Variants in ROBO1 observed in about 807,000 individuals in gnomAD.
ROBO1 encodes roundabout guidance receptor 1.
A neutral mutation model predicts 195.9 loss-of-function variants in ROBO1; 149 were observed. That is an observed-to-expected ratio of 0.76 (90% CI 0.67 to 0.87). The LOEUF (loss-of-function observed/expected upper bound fraction) is 0.87. Among genes scored for constraint, ROBO1 ranks in the 40% least tolerant of loss-of-function variants. The pLI is 0.00. For synonymous variants in ROBO1, 816 were observed against 733.2 expected, an observed-to-expected ratio of 1.11 and a Z score of -1.82; for missense variants, 1,933 against 2,068.3, an observed-to-expected ratio of 0.93 and a Z score of 1.27.
chr3:79,081,636 A>C (rs2079276832), intron 3 of ROBO1, among the ~76,000 whole-genome samples: 1 of 152,198 alleles, frequency 6.6e-6, no homozygotes, highest in African/African-American at 2.4e-5. Context: ...AAAAGCCCAA[A>C]GCTGCCAACA....
chr3:79,534,800 A>C (rs1004992176), intron 2 of ROBO1, among the ~76,000 whole-genome samples: 5 of 152,080 alleles, frequency 3.3e-5, no homozygotes, highest in African/African-American at 1.2e-4. Flanking sequence ...CTCCAAATAG[A>C]ATTTGAATCT....
chr3:79,340,366 T>G (rs756156878), intron 2 of ROBO1, among the ~76,000 whole-genome samples: 5 of 152,194 alleles, frequency 3.3e-5, no homozygotes, highest in Non-Finnish European at 7.3e-5. Context: ...TTTTCTTTCT[T>G]GGGTATTAGC....
Position 79,625,423 on chromosome 3 carries a change from G to GAAAAAAAAAAAAAAAAAAAAAAAAAAAA in ROBO1, c.-50-35463_-50-35462insTTTTTTTTTTTTTTTTTTTTTTTTTTTT. Among the ~76,000 whole-genome samples the GAAAAAAAAAAAAAAAAAAAAAAAAAAAA allele has an allele frequency of 6.5e-4, 9 of 13,882 alleles. 1 individual carries two copies. Among genetic ancestry groups the GAAAAAAAAAAAAAAAAAAAAAAAAAAAA allele is most frequent in the Admixed American group, 1.9e-3 (1 of 536 alleles). 9.1% of individuals were successfully genotyped at this position (13,882 alleles called of 152,430 possible). ...AAGTAATCCAGTAGCTGTTTTTTTT[G>GAAAAAAAAAAAAAAAAAAAAAAAAAAAA]AAAAAAAAAAAAAAAAAAAAAGCAA... On this transcript the variant is annotated intron_variant, in intron 1 of 30. Coordinates refer to ENST00000464233, the MANE Select transcript of ROBO1 (RefSeq NM_002941.4).
At chr3:78,907,876 T>G (rs1365969064) in intron 4 of ROBO1, among the ~76,000 whole-genome samples, 1 of 151,820 alleles carries the variant, frequency 6.6e-6, no homozygotes, top group Non-Finnish European at 1.5e-5. Context: ...GAAGAAAAAT[T>G]TTTAAAGTGA....
At chr3:79,327,917 A>C (rs2109156882) in intron 2 of ROBO1, among the ~76,000 whole-genome samples, 1 of 152,274 alleles carries the variant, frequency 6.6e-6, no homozygotes, top group African/African-American at 2.4e-5. Flanking sequence ...ATCATATTTC[A>C]TTTGCTTTGG....
intron 2 of ROBO1, among the ~76,000 whole-genome samples, chr3:79,300,538 C>T (rs1041366129): frequency 6.6e-6 from 1 of 152,196 alleles, no homozygotes; most frequent in African/African-American, 2.4e-5. Flanking sequence ...CCAGCCTCCC[C>T]ACTGAGCGCT....
intron 2 of ROBO1, among the ~76,000 whole-genome samples, chr3:79,147,325 T>C (rs1412415187): frequency 1.3e-5 from 2 of 151,978 alleles, no homozygotes; most frequent in African/African-American, 4.8e-5. Context: ...CCAAGAAGCA[T>C]GGCCTACAAA....
At chr3:78,690,017 T>C (rs1326530002) in intron 8 of ROBO1, among the ~76,000 whole-genome samples, 1 of 147,972 alleles carries the variant, frequency 6.8e-6, no homozygotes, top group Admixed American at 6.8e-5. Context: ...ATATATAAAA[T>C]ATATAAAGTT....
intron 4 of ROBO1, among the ~76,000 whole-genome samples, chr3:78,878,305 G>A (rs1163282819): frequency 1.3e-5 from 2 of 152,058 alleles, no homozygotes; most frequent in Non-Finnish European, 2.9e-5. Flanking sequence ...AAATACTGCA[G>A]CCAGGCGCAG....
At chr3:79,120,555 AT>A (rs1274054993) in intron 3 of ROBO1, among the ~76,000 whole-genome samples, 7 of 152,154 alleles carry the variant, frequency 4.6e-5, no homozygotes, top group Admixed American at 1.3e-4. Flanking sequence ...AGAGAAAGTA[AT>A]TAGATCTAAG....
At chr3:79,457,884 GAAGA>G (rs1166112708) in intron 2 of ROBO1, among the ~76,000 whole-genome samples, 3 of 152,068 alleles carry the variant, frequency 2.0e-5, no homozygotes, top group Admixed American at 6.6e-5. Flanking sequence ...AACTAATAGA[GAAGA>G]AAGAAAGAAT....
intron 2 of ROBO1, among the ~76,000 whole-genome samples, chr3:79,290,593 C>T (rs2032187120): frequency 1.3e-5 from 2 of 152,126 alleles, no homozygotes; most frequent in Non-Finnish European, 2.9e-5. Context: ...ACTGTGGACC[C>T]ACTCACTTAC....
intron 3 of ROBO1, among the ~76,000 whole-genome samples, chr3:79,124,604 T>A (rs2080180557): frequency 6.6e-6 from 1 of 152,078 alleles, no homozygotes; most frequent in South Asian, 2.1e-4. Context: ...TCCACACAGC[T>A]CACAACTTAG....
chr3:79,008,528 T>C (rs2077681459), intron 3 of ROBO1, among the ~76,000 whole-genome samples: 2 of 151,738 alleles, frequency 1.3e-5, no homozygotes, highest in African/African-American at 2.4e-5. Flanking sequence ...TATACATATA[T>C]ATAGTATACA....
chr3:78,963,926 G>T (rs1386436002), intron 3 of ROBO1, among the ~76,000 whole-genome samples: 8 of 152,240 alleles, frequency 5.3e-5, no homozygotes, highest in Middle Eastern at 6.8e-3. Context: ...ACCACAAAAT[G>T]AGTGACTCAT....
chr3:79,582,272 A>G (rs1943686003), intron 2 of ROBO1, among the ~76,000 whole-genome samples: 3 of 151,764 alleles, frequency 2.0e-5, no homozygotes, highest in African/African-American at 7.2e-5. Flanking sequence ...ATATATTTTT[A>G]TGCAACCTCT....
At chr3:79,467,868 C>T (rs1938053700) in intron 2 of ROBO1, among the ~76,000 whole-genome samples, 2 of 152,166 alleles carry the variant, frequency 1.3e-5, no homozygotes, top group African/African-American at 4.8e-5. Context: ...CCTGCCTGCT[C>T]CCCCTCCTGT....
intron 10 of ROBO1, among the ~76,000 whole-genome samples, chr3:78,677,767 A>G (rs896504335): frequency 6.6e-5 from 10 of 152,190 alleles, no homozygotes; most frequent in Admixed American, 2.6e-4. Flanking sequence ...CAGATCGACA[A>G]GACAGAAAGT....
At chr3:79,188,782 C>T (rs1164861859) in intron 2 of ROBO1, among the ~76,000 whole-genome samples, 1 of 151,712 alleles carries the variant, frequency 6.6e-6, no homozygotes, top group African/African-American at 2.4e-5. Flanking sequence ...CCAGCAGCGT[C>T]CATAGTGGTT....
Sources: gnomAD v4.1 joint callset for allele counts (sites outside exome capture counted in the v4.1 genomes callset) on GRCh38, gnomAD v4.1.1 for gene constraint, MANE v1.5 for transcripts, NCBI Gene and HGNC (gene_info 2026-07-23, HGNC 2026-07-21) for gene names.